The following SCAI variants were observed in gnomAD, a reference collection of about 807,000 sequenced individuals.
The protein encoded by SCAI is protein SCAI.
A neutral mutation model predicts 92.2 loss-of-function variants in SCAI; 24 were observed. The observed-to-expected ratio is 0.26, with a 90% CI of 0.19 to 0.37. The LOEUF (loss-of-function observed/expected upper bound fraction) is 0.37, where lower values mean the gene tolerates loss of function less well. SCAI is among the 10% of genes least tolerant of loss of function. The pLI is 1.00. For missense variants in SCAI, 450 were observed against 736.2 expected (o/e 0.61, Z 4.50); for synonymous variants, 261 against 258.6 (o/e 1.01, Z -0.09).
intron 2 of SCAI, among the ~76,000 whole-genome samples, chr9:125,104,417 G>C (rs952949534): frequency 1.3e-5 from 2 of 152,098 alleles, no homozygotes; most frequent in African/African-American, 4.8e-5. Context: ...TTATACCTTT[G>C]CCACTGCTTA....
At chr9:125,004,285 G>C (rs1292758395) in intron 9 of SCAI, among the ~76,000 whole-genome samples, 1 of 151,890 alleles carries the variant, frequency 6.6e-6, no homozygotes, top group Non-Finnish European at 1.5e-5. Context: ...GCTATGTGAG[G>C]GGCAAGTTTT....
intron 3 of SCAI, among the ~76,000 whole-genome samples, chr9:125,036,380 T>C (rs1197086916): frequency 6.6e-6 from 1 of 152,142 alleles, no homozygotes; most frequent in East Asian, 1.9e-4. Flanking sequence ...TCATTTATTG[T>C]GGCAGGATAT....
chr9:125,006,790 T>C (rs920183992), intron 9 of SCAI, among the ~76,000 whole-genome samples: 7 of 152,042 alleles, frequency 4.6e-5, no homozygotes, highest in African/African-American at 1.7e-4. Context: ...GCACCTGACC[T>C]ATACTTTTAA....
intron 2 of SCAI, among the ~76,000 whole-genome samples, chr9:125,117,752 A>C (rs567159339): frequency 6.8e-6 from 1 of 147,382 alleles, no homozygotes; most frequent in East Asian, 2.1e-4. Context: ...GCTTTCATTT[A>C]TTTTATGGGA....
intron 3 of SCAI, among the ~76,000 whole-genome samples, chr9:125,050,611 T>C (rs531363366): frequency 6.6e-6 from 1 of 152,312 alleles, no homozygotes; most frequent in African/African-American, 2.4e-5. Context: ...TCTCACTGCA[T>C]TGCCCAGGCT....
intron 14 of SCAI, among the ~76,000 whole-genome samples, chr9:124,994,559 T>A (rs1832201056): frequency 6.6e-6 from 1 of 152,194 alleles, no homozygotes; most frequent in South Asian, 2.1e-4. Context: ...CTACAGCAGC[T>A]CAGCATGAGA....
chr9:125,128,801 G>A (rs1321684190), intron 2 of SCAI, among the ~76,000 whole-genome samples: 2 of 150,968 alleles, frequency 1.3e-5, no homozygotes, highest in African/African-American at 4.9e-5. Context: ...AGTGGCTCAC[G>A]CCTGTAATCC....
At chr9:125,056,410 G>A (rs1485440261) in intron 2 of SCAI, among the ~76,000 whole-genome samples, 1 of 152,098 alleles carries the variant, frequency 6.6e-6, no homozygotes, top group African/African-American at 2.4e-5. Context: ...AGGTTGCAGT[G>A]AGCCGAGACG....
At chr9:125,127,197 G>A (rs1486994435) in intron 2 of SCAI, among the ~76,000 whole-genome samples, 1 of 152,142 alleles carries the variant, frequency 6.6e-6, no homozygotes. Flanking sequence ...AGAATCCCCA[G>A]GCTTCAACGC....
chr9:125,016,862 A>G (rs1832770504), intron 9 of SCAI, among the ~76,000 whole-genome samples: 1 of 152,242 alleles, frequency 6.6e-6, no homozygotes, highest in Non-Finnish European at 1.5e-5. Flanking sequence ...ATTATAAATT[A>G]GACTACATTA....
intron 1 of SCAI, among the ~76,000 whole-genome samples, chr9:125,142,960 C>A (rs1342708481): frequency 1.3e-5 from 2 of 151,864 alleles, no homozygotes; most frequent in Non-Finnish European, 2.9e-5. Flanking sequence ...CCCAAAATCA[C>A]CCACCTCCAC....
chr9:125,066,452 A>AT (rs879310884), intron 2 of SCAI, among the ~76,000 whole-genome samples: 262 of 118,772 alleles, frequency 2.2e-3, no homozygotes, highest in Non-Finnish European at 3.6e-3. Flanking sequence ...ATTTTATTTT[A>AT]TTTATTTATT....
intron 2 of SCAI, among the ~76,000 whole-genome samples, chr9:125,085,790 C>G (rs939183824): frequency 6.6e-6 from 1 of 152,132 alleles, no homozygotes; most frequent in Non-Finnish European, 1.5e-5. Flanking sequence ...TAATTCTTTG[C>G]TGCTGAGAAA....
chr9:124,955,230 G>A (rs1322265020), intron 17 of SCAI, among the ~76,000 whole-genome samples: 2 of 150,626 alleles, frequency 1.3e-5, no homozygotes, highest in Admixed American at 6.6e-5. Context: ...TCAGATCTAA[G>A]CTTAAAACAC....
chr9:125,071,569 G>A (rs1371059139), intron 2 of SCAI, among the ~76,000 whole-genome samples: 2 of 152,118 alleles, frequency 1.3e-5, no homozygotes, highest in Non-Finnish European at 2.9e-5. Flanking sequence ...CAGCCAGAAG[G>A]CCATTTGTAA....
intron 13 of SCAI, among the ~76,000 whole-genome samples, chr9:124,998,478 A>C (rs558924489): frequency 1.2e-4 from 18 of 152,046 alleles, no homozygotes; most frequent in South Asian, 8.3e-4. Flanking sequence ...TCAATACTAG[A>C]GGTTGGGAAG....
In SCAI at chr9:125,018,917, G is replaced by T; in HGVS notation, c.743C>A (p.Thr248Asn). Reference protein sequence around the residue: ...DPVMVLNDDNTIVITSNRLAE... With the variant: ...DPVMVLNDDNNIVITSNRLAE... ...AAGGCGATTCGATGTGATAACAATG[G>T]TATTATCATCATTTAATACCATTAC... Residue 248 changes from threonine (T) to asparagine (N), a missense_variant, in exon 9 of 18, where the codon ACC becomes AAC. Physicochemically the swap from Thr to Asn is moderately conservative, Grantham distance 65. Around this residue, in one of 3 missense-constraint regions of SCAI, gnomAD observed 360 missense variants for 601.8 expected, o/e 0.60. Transcript: ENST00000336505. 1 of 1,613,798 alleles carries T rather than the reference G, an allele frequency of 6.2e-7. No individual in the cohort carries two copies. Among genetic ancestry groups the T allele is most frequent in the South Asian group, 1.1e-5 (1 of 91,038 alleles).
At chr9:125,096,411 A>G (rs1012010062) in intron 2 of SCAI, among the ~76,000 whole-genome samples, 1 of 152,174 alleles carries the variant, frequency 6.6e-6, no homozygotes, top group Admixed American at 6.5e-5. Context: ...CAGGCAAACC[A>G]TATCACCTCC....
At chr9:125,138,880 C>G (rs1056081917) in intron 2 of SCAI, among the ~76,000 whole-genome samples, 1 of 152,172 alleles carries the variant, frequency 6.6e-6, no homozygotes, top group Admixed American at 6.5e-5. Context: ...GATGAGGAAA[C>G]TGAGGCAGAG....
Sources: allele counts gnomAD v4.1 joint callset (sites outside exome capture counted in the v4.1 genomes callset), GRCh38; gene constraint gnomAD v4.1.1; regional missense constraint gnomAD v4.1.1; transcripts MANE v1.5; gene names NCBI Gene and HGNC (gene_info 2026-07-23, HGNC 2026-07-21).